The following FOXP1 variants were observed in gnomAD, a reference collection of about 807,000 sequenced individuals.
FOXP1 encodes the protein forkhead box P1, also known as forkhead box protein P1.
In FOXP1, 15 loss-of-function variants were observed where a neutral mutation model predicts 98.2. The observed-to-expected ratio is 0.15, with a 90% CI of 0.10 to 0.24. FOXP1 has a LOEUF of 0.24. Among genes scored for constraint, FOXP1 ranks in the 10% least tolerant of loss-of-function variants. The probability of loss-of-function intolerance (pLI) is 1.00; values close to 1 mark genes in which losing one functional copy is unlikely to be tolerated. For missense variants in FOXP1, 633 were observed against 848.5 expected, an observed-to-expected ratio of 0.75 and a Z score of 3.15; for synonymous variants, 371 against 314.5, an observed-to-expected ratio of 1.18 and a Z score of -1.90.
At chr3:71,453,460 C>T (rs1008701126) in intron 3 of FOXP1, among the ~76,000 whole-genome samples, 2 of 152,162 alleles carry the variant, frequency 1.3e-5, no homozygotes, top group African/African-American at 4.8e-5. Flanking sequence ...AGCAGATTTG[C>T]AGTGTGATCC....
intron 5 of FOXP1, among the ~76,000 whole-genome samples, chr3:71,199,452 G>A (rs1345319401): frequency 6.6e-6 from 1 of 152,020 alleles, no homozygotes; most frequent in Non-Finnish European, 1.5e-5. Context: ...TAGGCCTGGG[G>A]GCGGTGGCTC....
intron 2 of FOXP1, among the ~76,000 whole-genome samples, chr3:71,578,695 A>G (rs1350779804): frequency 1.3e-5 from 2 of 152,336 alleles, no homozygotes; most frequent in Non-Finnish European, 2.9e-5. Flanking sequence ...ATATAAATAT[A>G]TTTGAAAAAT....
chr3:71,389,684 A>C (rs1393559056), intron 3 of FOXP1, among the ~76,000 whole-genome samples: 1 of 152,316 alleles, frequency 6.6e-6, no homozygotes, highest in African/African-American at 2.4e-5. Flanking sequence ...TGTTTAGGTA[A>C]CAATGACTTT....
chr3:71,068,631 C>T (rs773999030), intron 7 of FOXP1, among the ~76,000 whole-genome samples: 1 of 152,200 alleles, frequency 6.6e-6, no homozygotes, highest in Non-Finnish European at 1.5e-5. Flanking sequence ...TTCTTCTGAA[C>T]AACACTTGTG....
intron 3 of FOXP1, among the ~76,000 whole-genome samples, chr3:71,477,316 C>A (rs1306707684): frequency 6.6e-6 from 1 of 152,184 alleles, no homozygotes; most frequent in African/African-American, 2.4e-5. Context: ...CCATAGAATT[C>A]TTTCATCTCC....
At chr3:70,966,093 G>A in intron 19 of FOXP1, 37 bp from the exon 20 acceptor site, 2 of 1,576,978 alleles carry the variant, frequency 1.3e-6, no homozygotes, top group Non-Finnish European at 1.7e-6. Context: ...GAAGACACAG[G>A]GTATGTAAGA....
chr3:71,163,466 T>C (rs889852000), intron 6 of FOXP1, among the ~76,000 whole-genome samples: 3 of 152,174 alleles, frequency 2.0e-5, no homozygotes, highest in African/African-American at 7.2e-5. Context: ...ACAAACAGAC[T>C]ACTGTATATA....
chr3:71,151,167 T>A (rs144233090), intron 6 of FOXP1, among the ~76,000 whole-genome samples: 4 of 152,170 alleles, frequency 2.6e-5, no homozygotes, highest in Admixed American at 2.6e-4. Context: ...AACTGTGAAA[T>A]GGGAATACTG....
intron 5 of FOXP1, among the ~76,000 whole-genome samples, chr3:71,218,030 A>G (rs912785816): frequency 3.9e-5 from 6 of 152,006 alleles, no homozygotes; most frequent in Admixed American, 2.6e-4. Flanking sequence ...CTTCTGCCTC[A>G]CCTCTTTGCT....
At chr3:71,053,822 G>A (rs767030706) in intron 7 of FOXP1, 49 bp from the exon 8 acceptor site, 12 of 1,610,346 alleles carry the variant, frequency 7.5e-6, no homozygotes, top group South Asian at 2.2e-5. Flanking sequence ...TCAGAAGCAC[G>A]CAGCCTCCCA....
chr3:71,141,265 T>TC (rs1338667786), intron 6 of FOXP1, among the ~76,000 whole-genome samples: 1 of 70,016 alleles, frequency 1.4e-5, no homozygotes, highest in African/African-American at 8.2e-5. Context: ...AGACTCTGTC[T>TC]CAAAAAAAAA....
rs998292290 is a variant in FOXP1 at position 71,328,941 on chromosome 3, A to G, written c.-72-29061T>C. On this transcript the variant is annotated intron_variant, in intron 4 of 20. Coordinates refer to ENST00000649528, the MANE Select transcript of FOXP1 (RefSeq NM_001349338.3). ...AGCCGAGATCGTGCCATTGCACTCC[A>G]GCCCGGGCAACAAGAGCGAAACTCC... Among the ~76,000 whole-genome samples the G allele has an allele frequency of 1.7e-4, 24 of 140,814 alleles. No individual in the cohort carries two copies. In the Admixed American group the frequency reaches 1.7e-3, roughly 10 times the overall value. The allele number at this position is 140,814 out of a possible 152,430, so 92.4% of individuals were successfully genotyped here.
chr3:71,277,166 G>A (rs2070997910), intron 5 of FOXP1, among the ~76,000 whole-genome samples: 1 of 151,416 alleles, frequency 6.6e-6, no homozygotes, highest in African/African-American at 2.4e-5. Context: ...CACCATGTTA[G>A]CCAGGATCAT....
At chr3:71,293,899 T>C (rs1057202912) in intron 5 of FOXP1, among the ~76,000 whole-genome samples, 1 of 152,210 alleles carries the variant, frequency 6.6e-6, no homozygotes, top group Non-Finnish European at 1.5e-5. Context: ...TGTAAGAATA[T>C]TTCAAGCAAC....
intron 2 of FOXP1, among the ~76,000 whole-genome samples, chr3:71,503,526 A>G (rs941582522): frequency 8.4e-5 from 12 of 143,102 alleles, no homozygotes; most frequent in Admixed American, 4.4e-4. Context: ...ACTTGAACCC[A>G]GGAGGTGGAG....
intron 3 of FOXP1, among the ~76,000 whole-genome samples, chr3:71,403,486 G>A (rs1274171126): frequency 6.6e-6 from 1 of 152,238 alleles, no homozygotes; most frequent in Non-Finnish European, 1.5e-5. Context: ...AGGTGTGTGA[G>A]TGTGTGTGCG....
chr3:71,161,291 T>C (rs957477371), intron 6 of FOXP1, among the ~76,000 whole-genome samples: 5 of 152,196 alleles, frequency 3.3e-5, no homozygotes, highest in African/African-American at 7.2e-5. Flanking sequence ...GTTGGGGTAA[T>C]TTATGCAGCT....
intron 3 of FOXP1, among the ~76,000 whole-genome samples, chr3:71,478,928 G>A (rs776104824): frequency 9.2e-5 from 14 of 152,200 alleles, no homozygotes; most frequent in African/African-American, 1.2e-4. Context: ...GAAAGGAGGG[G>A]GGGAGGGAAA....
chr3:71,026,959 C>T (rs2046206381), intron 11 of FOXP1, among the ~76,000 whole-genome samples: 2 of 152,160 alleles, frequency 1.3e-5, no homozygotes, highest in African/African-American at 4.8e-5. Flanking sequence ...CAACAAGAGG[C>T]AGAGGTCCAT....
Sources: allele counts gnomAD v4.1 joint callset (sites outside exome capture counted in the v4.1 genomes callset), GRCh38; gene constraint gnomAD v4.1.1; transcripts MANE v1.5; gene names NCBI Gene and HGNC (gene_info 2026-07-23, HGNC 2026-07-21).